EDAR: variants seen among roughly 807,000 people sequenced by gnomAD.
The protein encoded by EDAR is ectodysplasin A receptor, also known as tumor necrosis factor receptor superfamily member EDAR.
Under a neutral mutation model 51.3 loss-of-function variants are expected in EDAR, and 38 were observed. That is an observed-to-expected ratio of 0.74 (90% CI 0.57 to 0.97). The LOEUF (loss-of-function observed/expected upper bound fraction) is 0.97. Ranked by LOEUF, EDAR falls within the 50% of genes least tolerant of loss-of-function variation. The pLI, the probability that EDAR is intolerant of heterozygous loss-of-function variation, is 0.00. For missense variants in EDAR, 528 were observed against 595.0 expected, an observed-to-expected ratio of 0.89 and a Z score of 1.17; for synonymous variants, 227 against 242.1, an observed-to-expected ratio of 0.94 and a Z score of 0.58.
In EDAR at chr2:108,945,534, T is replaced by C. The variant is rs1179809662; in HGVS notation, c.-18-14502A>G. The stretch of plus-strand genomic sequence containing the variant: ...AGAGGGCTGAACAGGATGGATAAGC[T>C]GGGCTTGTTGGCACTGTCTGCATTT... On this transcript the variant is annotated intron_variant, in intron 1 of 11. Transcript: ENST00000258443. 2.6e-5 allele frequency among the ~76,000 whole-genome samples: 4 copies of C among 152,190 alleles called. 1 individual carries two copies. The highest frequency in any genetic ancestry group is 5.9e-5 in the Non-Finnish European group (4 of 68,042).
At chr2:108,969,908 T>G (rs761051611) in intron 1 of EDAR, among the ~76,000 whole-genome samples, 1 of 152,202 alleles carries the variant, frequency 6.6e-6, no homozygotes, top group Non-Finnish European at 1.5e-5. Flanking sequence ...TTCAGGAGAA[T>G]CCAGAGTTCA....
At chr2:108,906,014 G>A (rs917373989) in intron 11 of EDAR, among the ~76,000 whole-genome samples, 4 of 146,088 alleles carry the variant, frequency 2.7e-5, no homozygotes, top group Admixed American at 2.0e-4. Flanking sequence ...CTGAGGCTCC[G>A]TGGCTGCTGC....
chr2:108,910,430 T>C, intron 9 of EDAR, 30 bp downstream of exon 9: 1 of 1,584,274 alleles, frequency 6.3e-7, no homozygotes, highest in African/African-American at 1.3e-5. Context: ...GGACCCCAGC[T>C]TCAGCTTGGT....
At chr2:108,898,850 A>G (rs1005232504) in intron 11 of EDAR, among the ~76,000 whole-genome samples, 28 of 152,204 alleles carry the variant, frequency 1.8e-4, no homozygotes, top group African/African-American at 6.5e-4. Context: ...AATCAGTGAG[A>G]TGGATAATGG....
At chr2:108,985,416 G>T (rs779348257) in intron 1 of EDAR, among the ~76,000 whole-genome samples, 3 of 152,232 alleles carry the variant, frequency 2.0e-5, no homozygotes, top group African/African-American at 7.2e-5. Flanking sequence ...GCATGAGCTC[G>T]CAGGGTGGTG....
At chr2:108,902,676 T>C (rs1412622599) in intron 11 of EDAR, among the ~76,000 whole-genome samples, 1 of 152,152 alleles carries the variant, frequency 6.6e-6, no homozygotes, top group East Asian at 1.9e-4. Flanking sequence ...AAAAAAGAAT[T>C]GTACCACATC....
chr2:108,963,595 CAG>C (rs1432999966), intron 1 of EDAR, among the ~76,000 whole-genome samples: 8 of 152,146 alleles, frequency 5.3e-5, no homozygotes, highest in African/African-American at 1.9e-4. Flanking sequence ...ATAGTCAAGA[CAG>C]AAGACAATTA....
At chr2:108,976,707 ATTAT>A (rs1310035142) in intron 1 of EDAR, among the ~76,000 whole-genome samples, 1 of 152,116 alleles carries the variant, frequency 6.6e-6, no homozygotes, top group Non-Finnish European at 1.5e-5. Context: ...CCAATATTAC[ATTAT>A]TTATTTTGTT....
rs186803906 is a variant in EDAR, at chr2:108,922,206, T to C, written c.442+1162A>G. Among the ~76,000 whole-genome samples the C allele has an allele frequency of 5.9e-5, 9 of 152,296 alleles. No homozygotes were observed. The East Asian group carries it at 1.7e-3, about 29-fold the overall frequency. ...GGTTCCACAGGCAAAGATGCTTTTG[T>C]GAATAGGTGGGGAGTGTCTGACATC... is the stretch of plus-strand genomic sequence containing the variant. On this transcript the variant is annotated intron_variant, in intron 5 of 11. Coordinates refer to ENST00000258443, the MANE Select transcript of EDAR (RefSeq NM_022336.4).
intron 1 of EDAR, among the ~76,000 whole-genome samples, chr2:108,961,107 C>T (rs1447767509): frequency 4.6e-5 from 7 of 152,188 alleles, no homozygotes; most frequent in Non-Finnish European, 7.3e-5. Flanking sequence ...GGCCACCTCC[C>T]GACCAGCACT....
intron 1 of EDAR, among the ~76,000 whole-genome samples, chr2:108,949,490 C>T (rs1159381324): frequency 1.3e-5 from 2 of 152,222 alleles, no homozygotes; most frequent in Non-Finnish European, 2.9e-5. Context: ...CTGCGTCCCA[C>T]AACTCTATGG....
At chr2:108,965,641 C>T (rs956101660) in intron 1 of EDAR, among the ~76,000 whole-genome samples, 1 of 151,856 alleles carries the variant, frequency 6.6e-6, no homozygotes, top group African/African-American at 2.4e-5. Context: ...GTCTGTATGC[C>T]TCCTTCCTTC....
chr2:108,950,106 GA>G (rs1478461982), intron 1 of EDAR, among the ~76,000 whole-genome samples: 1 of 152,170 alleles, frequency 6.6e-6, no homozygotes, highest in Non-Finnish European at 1.5e-5. Flanking sequence ...GCTGAAGAGT[GA>G]ATGCAGCACA....
In EDAR at chr2:108,956,945, C is replaced by T. The variant is rs972594032; in HGVS notation, c.-18-25913G>A. 3.3e-4 allele frequency among the ~76,000 whole-genome samples: 50 copies of T among 152,250 alleles called. 1 individual carries two copies. Among genetic ancestry groups the T allele is most frequent in the Non-Finnish European group, 1.5e-4 (10 of 68,014 alleles). ...CTGGGATTACAGGCACCTACCACCA[C>T]GCCCCGCTAATTTTTTGTATTTTTA... On this transcript the variant is annotated intron_variant, in intron 1 of 11. Coordinates refer to ENST00000258443, the MANE Select transcript of EDAR (RefSeq NM_022336.4).
At chr2:108,913,156 A>T (rs375910060) in intron 5 of EDAR, among the ~76,000 whole-genome samples, 1 of 151,814 alleles carries the variant, frequency 6.6e-6, no homozygotes, top group Admixed American at 6.6e-5. Context: ...TCACCATGTT[A>T]GCCAGGATGG....
At chr2:108,920,292 A>G (rs779283010) in intron 5 of EDAR, among the ~76,000 whole-genome samples, 7 of 152,212 alleles carry the variant, frequency 4.6e-5, no homozygotes, top group Non-Finnish European at 8.8e-5. Context: ...TTTGCAGATG[A>G]GGACACTTTC....
chr2:108,916,381 C>A (rs1162864074), intron 5 of EDAR, among the ~76,000 whole-genome samples: 1 of 152,112 alleles, frequency 6.6e-6, no homozygotes, highest in African/African-American at 2.4e-5. Flanking sequence ...GGCCTGTGGT[C>A]TAGAGTGGGG....
At chr2:108,954,228 T>G (rs945212113) in intron 1 of EDAR, among the ~76,000 whole-genome samples, 1 of 152,092 alleles carries the variant, frequency 6.6e-6, no homozygotes, top group Non-Finnish European at 1.5e-5. Flanking sequence ...TCTTTAGAAC[T>G]GGAGATCCTG....
chr2:108,923,050 G>GT (rs1006249545), intron 5 of EDAR, among the ~76,000 whole-genome samples: 22 of 152,272 alleles, frequency 1.4e-4, no homozygotes, highest in African/African-American at 5.3e-4. Context: ...CACAATGACC[G>GT]TGAGAGATGG....
Sources: allele counts gnomAD v4.1 joint callset (sites outside exome capture counted in the v4.1 genomes callset), GRCh38; gene constraint gnomAD v4.1.1; transcripts MANE v1.5; gene names NCBI Gene and HGNC (gene_info 2026-07-23, HGNC 2026-07-21).